Variants in MTLN observed in about 807,000 individuals in gnomAD.
The protein encoded by MTLN is mitoregulin, also known as TP53-inhibiting lncRNA.
rs1260740443 is a variant in MTLN at position 110,212,501 on chromosome 2, G to A, written c.25C>T (p.Leu9=). 2 of 398,852 alleles carry A rather than the reference G, an allele frequency of 5.0e-6. No homozygotes were observed. The highest frequency in any genetic ancestry group is 4.1e-5 in the African/African-American group (2 of 48,632). The allele number at this position is 398,852 out of a possible 1,614,324, so 24.7% of individuals were successfully genotyped here. The change falls in exon 1 of 2, where the codon CTG becomes TTG. Residue 9 remains leucine, a synonymous_variant. Transcript: ENST00000611969. The part of the protein sequence containing the change: MADVSERT[L]QLSVLVAFAS... ...AAGGCTACTAGCACGGACAACTGCA[G>A]TGTCCTCTCTGACACATCCGCCATG...
At position 110,212,256 on chromosome 2, in the gene MTLN, G is replaced by A. The variant is rs1181446541; in HGVS notation, c.*99C>T. ...GCCGGCCATGGCAGGCGGGGACTGTGTGGCAAGCCTGGTTCTGGGCGCCGG... is the reference window on the plus strand; with the variant it reads ...GCCGGCCATGGCAGGCGGGGACTGTATGGCAAGCCTGGTTCTGGGCGCCGG... On this transcript the variant is annotated 3_prime_UTR_variant, in exon 1 of 2. Coordinates refer to ENST00000611969, the MANE Select transcript of MTLN (RefSeq NM_001384134.1). 1 of 394,920 alleles carries A rather than the reference G, an allele frequency of 2.5e-6. No individual in the cohort carries two copies. Among genetic ancestry groups the A allele is most frequent in the East Asian group, 3.6e-5 (1 of 27,974 alleles). 24.5% of individuals were successfully genotyped at this position (394,920 alleles called of 1,614,324 possible). A position where few individuals can be genotyped will look rare whatever the true frequency, so the allele number is the denominator to read the frequency against.
intron 1 of MTLN, among the ~76,000 whole-genome samples, chr2:110,211,895 G>A (rs1686108568): frequency 6.6e-6 from 1 of 152,216 alleles, no homozygotes; most frequent in African/African-American, 2.4e-5. Flanking sequence ...TGCTAACAAG[G>A]ATGTTACTGA....
In MTLN at chr2:110,212,242, C is replaced by A. The variant is rs1415011471; in HGVS notation, c.*113G>T. On this transcript the variant is annotated 3_prime_UTR_variant, in exon 1 of 2. Transcript: ENST00000611969. ...ACACTCCAGGAAGAGCCGGCCATGG[C>A]AGGCGGGGACTGTGTGGCAAGCCTG... The A allele has an allele frequency of 2.5e-6, 1 of 393,984 alleles. No homozygotes were observed. Among genetic ancestry groups the A allele is most frequent in the Non-Finnish European group, 4.4e-6 (1 of 224,746 alleles). 24.4% of individuals were successfully genotyped at this position (393,984 alleles called of 1,614,324 possible).
At position 110,211,622 on chromosome 2, in the gene MTLN, G is replaced by C. The variant is rs889389476; in HGVS notation, c.*141C>G. 6.6e-6 allele frequency: 1 copy of C among 152,132 alleles called. No individual in the cohort carries two copies. The highest frequency in any genetic ancestry group is 1.5e-5 in the Non-Finnish European group (1 of 68,022). The allele number at this position is 152,132 out of a possible 1,614,324, so 9.4% of individuals were successfully genotyped here. ...GGTAGTCTATATGCATCTTCAACAA[G>C]CTGTTAGAAACAGAAAAGAGAAAAA... On this transcript the variant is annotated splice_region_variant and 3_prime_UTR_variant, in exon 2 of 2. Coordinates refer to ENST00000611969, the MANE Select transcript of MTLN (RefSeq NM_001384134.1).
chr2:110,212,189 GCAATGTCACTATGTGTACTGCTCAC>G lies in MTLN; in HGVS notation c.*140+1_*140+25del. On this transcript the variant is annotated splice_donor_variant and splice_donor_5th_base_variant and intron_variant, in intron 1 of 1. Coordinates refer to ENST00000611969, the MANE Select transcript of MTLN (RefSeq NM_001384134.1). LOFTEE classifies it low-confidence loss of function (3UTR_SPLICE). ...CCGCCCGACCCCAAAGTCTCCCTTT[GCAATGTCACTATGTGTACTGCTCAC>G]CAACACTCCAGGAAGAGCCGGCCAT... is the stretch of plus-strand genomic sequence containing the variant. 1 of 396,088 alleles carries G rather than the reference GCAATGTCACTATGTGTACTGCTCAC, an allele frequency of 2.5e-6. No individual in the cohort carries two copies. The highest frequency in any genetic ancestry group is 4.4e-5 in the Admixed American group (1 of 22,674). 24.5% of individuals were successfully genotyped at this position (396,088 alleles called of 1,614,324 possible).
Position 110,212,541 on chromosome 2 carries a change from G to A in MTLN, c.-16C>T, listed in dbSNP as rs1686123342. The A allele has an allele frequency of 5.0e-6, 2 of 398,850 alleles. No individual in the cohort carries two copies. The highest frequency in any genetic ancestry group is 4.4e-5 in the Admixed American group (1 of 22,720). The allele number at this position is 398,850 out of a possible 1,614,324, so 24.7% of individuals were successfully genotyped here. A position where few individuals can be genotyped will look rare whatever the true frequency, so the allele number is the denominator to read the frequency against. ...CATCCGCCATGGCTGCCGCCGGCGT[G>A]CAGCGCGGTCTACGGCGCGGCGGCG... On this transcript the variant is annotated 5_prime_UTR_variant, in exon 1 of 2. Coordinates refer to ENST00000611969, the MANE Select transcript of MTLN (RefSeq NM_001384134.1).
chr2:110,212,307 G>A lies in MTLN; in HGVS notation c.*48C>T, dbSNP rs998717984. On this transcript the variant is annotated 3_prime_UTR_variant, in exon 1 of 2. Coordinates refer to ENST00000611969, the MANE Select transcript of MTLN (RefSeq NM_001384134.1). Reference sequence around the variant, plus strand: ...CGGACCGGGGCTCCGGCGCGGACATGGCAAGGTGGCCATGAGGGGGACAGA... The same window carrying A: ...CGGACCGGGGCTCCGGCGCGGACATAGCAAGGTGGCCATGAGGGGGACAGA... 1.9e-4 allele frequency: 64 copies of A among 340,296 alleles called. No individual in the cohort carries two copies. The African/African-American group carries it at 2.8e-3, about 15-fold the overall frequency. The allele number at this position is 340,296 out of a possible 1,614,324, so 21.1% of individuals were successfully genotyped here.
rs1195349523 is a variant in MTLN, at chr2:110,212,334, T to G, written c.*21A>C. 7.6e-6 allele frequency: 3 copies of G among 397,092 alleles called. No individual in the cohort carries two copies. The highest frequency in any genetic ancestry group is 2.6e-4 in the South Asian group (2 of 7,838). The allele number at this position is 397,092 out of a possible 1,614,324, so 24.6% of individuals were successfully genotyped here. A position where few individuals can be genotyped will look rare whatever the true frequency, so the allele number is the denominator to read the frequency against. ...CAAGGTGGCCATGAGGGGGACAGAA[T>G]GGGGCGGAAGGCGCAGAGTCTCAGG... On this transcript the variant is annotated 3_prime_UTR_variant, in exon 1 of 2. Coordinates refer to ENST00000611969, the MANE Select transcript of MTLN (RefSeq NM_001384134.1).
Position 110,212,323 on chromosome 2 carries a change from G to C in MTLN, c.*32C>G, listed in dbSNP as rs563147466. The C allele has an allele frequency of 5.9e-6, 2 of 340,372 alleles. No homozygotes were observed. Among genetic ancestry groups the C allele is most frequent in the Non-Finnish European group, 9.7e-6 (2 of 207,058 alleles). 21.1% of individuals were successfully genotyped at this position (340,372 alleles called of 1,614,324 possible). A position where few individuals can be genotyped will look rare whatever the true frequency, so the allele number is the denominator to read the frequency against. On this transcript the variant is annotated 3_prime_UTR_variant, in exon 1 of 2. Coordinates refer to ENST00000611969, the MANE Select transcript of MTLN (RefSeq NM_001384134.1). ...CGCGGACATGGCAAGGTGGCCATGAGGGGGACAGAATGGGGCGGAAGGCGC... is the reference window on the plus strand; with the variant it reads ...CGCGGACATGGCAAGGTGGCCATGACGGGGACAGAATGGGGCGGAAGGCGC...
In MTLN at chr2:110,212,245, G is replaced by C; in HGVS notation, c.*110C>G. The stretch of plus-strand genomic sequence containing the variant: ...CTCCAGGAAGAGCCGGCCATGGCAG[G>C]CGGGGACTGTGTGGCAAGCCTGGTT... On this transcript the variant is annotated 3_prime_UTR_variant, in exon 1 of 2. Transcript: ENST00000611969. The C allele has an allele frequency of 5.0e-6, 2 of 398,066 alleles. No homozygotes were observed. 24.7% of individuals were successfully genotyped at this position (398,066 alleles called of 1,614,324 possible).
chr2:110,211,996 G>A (rs1686110089), intron 1 of MTLN, among the ~76,000 whole-genome samples: 1 of 152,146 alleles, frequency 6.6e-6, no homozygotes, highest in Non-Finnish European at 1.5e-5. Flanking sequence ...ATGTTGTCAG[G>A]ATGAACGACG....
At chr2:110,212,068 G>A (rs1269712891) in intron 1 of MTLN, 147 bp downstream of exon 1, 8 of 310,932 alleles carry the variant, frequency 2.6e-5, no homozygotes, top group East Asian at 5.2e-5. Context: ...AGATACCGAA[G>A]AGCAAGTTAT....
At position 110,212,301 on chromosome 2, in the gene MTLN, G is replaced by T; in HGVS notation, c.*54C>A. 2.9e-6 allele frequency: 1 copy of T among 340,138 alleles called. No homozygotes were observed. Among genetic ancestry groups the T allele is most frequent in the South Asian group, 1.4e-4 (1 of 7,362 alleles). 21.1% of individuals were successfully genotyped at this position (340,138 alleles called of 1,614,324 possible). A position where few individuals can be genotyped will look rare whatever the true frequency, so the allele number is the denominator to read the frequency against. ...CGCCGGCGGACCGGGGCTCCGGCGC[G>T]GACATGGCAAGGTGGCCATGAGGGG... is the stretch of plus-strand genomic sequence containing the variant. On this transcript the variant is annotated 3_prime_UTR_variant, in exon 1 of 2. Coordinates refer to ENST00000611969, the MANE Select transcript of MTLN (RefSeq NM_001384134.1).
chr2:110,211,898 G>A (rs1686108618), intron 1 of MTLN, among the ~76,000 whole-genome samples: 1 of 152,212 alleles, frequency 6.6e-6, no homozygotes, highest in Non-Finnish European at 1.5e-5. Context: ...TAACAAGGAT[G>A]TTACTGAAAA....
Position 110,212,253 on chromosome 2 carries a change from T to C in MTLN, c.*102A>G. On this transcript the variant is annotated 3_prime_UTR_variant, in exon 1 of 2. Transcript: ENST00000611969. ...AGAGCCGGCCATGGCAGGCGGGGAC[T>C]GTGTGGCAAGCCTGGTTCTGGGCGC... 5.1e-6 allele frequency: 2 copies of C among 394,420 alleles called. No individual in the cohort carries two copies. Among genetic ancestry groups the C allele is most frequent in the East Asian group, 3.6e-5 (1 of 27,974 alleles). 24.4% of individuals were successfully genotyped at this position (394,420 alleles called of 1,614,324 possible).
intron 1 of MTLN, 97 bp downstream of exon 1, chr2:110,212,118 A>C: frequency 2.7e-6 from 1 of 365,206 alleles, no homozygotes. Flanking sequence ...GTCTGTGGGA[A>C]CAAGTCCTGT....
chr2:110,212,415 C>G lies in MTLN; in HGVS notation c.111G>C (p.Trp37Cys), dbSNP rs2104741082. 5.0e-6 allele frequency: 2 copies of G among 399,726 alleles called. No individual in the cohort carries two copies. The highest frequency in any genetic ancestry group is 3.6e-5 in the East Asian group (1 of 28,094). The allele number at this position is 399,726 out of a possible 1,614,324, so 24.8% of individuals were successfully genotyped here. The change falls in exon 1 of 2, where the codon TGG (tryptophan) becomes TGC (cysteine). Residue 37 changes from tryptophan (W) to cysteine (C), a missense_variant. Coordinates refer to ENST00000611969, the MANE Select transcript of MTLN (RefSeq NM_001384134.1). ...ANRLRRRYLDWRKRRLQDKLA... is the reference protein window; with the variant it reads ...ANRLRRRYLDCRKRRLQDKLA... ...GCTTGTCCTGCAGCCTCCTTTTCCT[C>G]CAGTCCAAGTAGCGCCTCCGCAGTC...
At chr2:110,212,018 T>C (rs190439962) in intron 1 of MTLN, among the ~76,000 whole-genome samples, 197 bp downstream of exon 1, 2 of 152,296 alleles carry the variant, frequency 1.3e-5, no homozygotes, top group Admixed American at 6.5e-5. Context: ...CATAGCACGT[T>C]GGTAAGACAT....
Position 110,212,374 on chromosome 2 carries a change from T to A in MTLN, c.152A>T (p.Lys51Met). The change falls in exon 1 of 2, where the codon AAG (lysine) becomes ATG (methionine). Residue 51 changes from lysine to methionine, a missense_variant. Physicochemically the swap from Lys to Met is moderately conservative, Grantham distance 95. Transcript: ENST00000611969. ...AGAGTCTCAGGCCAGGTCCAGCTTC[T>A]TCTGCGTCGCCGCCAGCTTGTCCTG... The part of the protein sequence containing the change: ...RLQDKLAATQ[K>M]KLDLA The A allele has an allele frequency of 1.0e-5, 4 of 399,306 alleles. No individual in the cohort carries two copies. The highest frequency in any genetic ancestry group is 8.8e-6 in the Non-Finnish European group (2 of 226,298). 24.7% of individuals were successfully genotyped at this position (399,306 alleles called of 1,614,324 possible). A position where few individuals can be genotyped will look rare whatever the true frequency, so the allele number is the denominator to read the frequency against.
Sources: gnomAD v4.1 joint callset for allele counts (sites outside exome capture counted in the v4.1 genomes callset) on GRCh38, gnomAD v4.1.1 for gene constraint, MANE v1.5 for transcripts, NCBI Gene and HGNC (gene_info 2026-07-23, HGNC 2026-07-21) for gene names.